The following DLC1 variants were observed in gnomAD, a reference collection of about 807,000 sequenced individuals.
DLC1 encodes the protein rho GTPase-activating protein 7.
In DLC1, 54 loss-of-function variants were observed where a neutral mutation model predicts 140.3. The observed-to-expected ratio is 0.38, with a 90% CI of 0.31 to 0.48. DLC1 has a LOEUF of 0.48. Ranked by LOEUF, DLC1 falls within the 20% of genes least tolerant of loss-of-function variation. The pLI is 0.96. For synonymous variants in DLC1, 986 were observed against 728.1 expected, an observed-to-expected ratio of 1.35 and a Z score of -5.70; for missense variants, 2,536 against 1,907.0, an observed-to-expected ratio of 1.33 and a Z score of -6.14.
At chr8:13,158,068 T>C (rs1489388586) in intron 5 of DLC1, among the ~76,000 whole-genome samples, 4 of 152,216 alleles carry the variant, frequency 2.6e-5, no homozygotes, top group African/African-American at 9.6e-5. Flanking sequence ...CCTTCAGATA[T>C]TTCAATGAGA....
chr8:13,170,729 CAAA>C (rs1179460110), intron 5 of DLC1, among the ~76,000 whole-genome samples: 7 of 63,130 alleles, frequency 1.1e-4, no homozygotes, highest in Admixed American at 3.7e-4. Flanking sequence ...GACTCCATCT[CAAA>C]AAAAAAAAAA....
intron 5 of DLC1, among the ~76,000 whole-genome samples, chr8:13,140,194 T>C (rs1310452409): frequency 6.6e-6 from 1 of 152,160 alleles, no homozygotes; most frequent in Admixed American, 6.6e-5. Context: ...AATATTTTCT[T>C]TCTTTCTTTT....
intron 2 of DLC1, among the ~76,000 whole-genome samples, chr8:13,410,615 T>C (rs534131243): frequency 1.3e-5 from 2 of 150,108 alleles, no homozygotes; most frequent in Non-Finnish European, 3.0e-5. Flanking sequence ...ATAAAATACC[T>C]AGAAGTAACT....
chr8:13,260,161 G>C (rs1830417234), intron 5 of DLC1, among the ~76,000 whole-genome samples: 1 of 152,164 alleles, frequency 6.6e-6, no homozygotes, highest in Non-Finnish European at 1.5e-5. Flanking sequence ...AGCAGGTAGA[G>C]GTGCTTTGGT....
At chr8:13,333,718 A>C (rs561804322) in intron 4 of DLC1, among the ~76,000 whole-genome samples, 13 of 152,198 alleles carry the variant, frequency 8.5e-5, no homozygotes, top group Non-Finnish European at 1.6e-4. Flanking sequence ...ATAGTAACTC[A>C]AACTAAATGG....
intron 1 of DLC1, among the ~76,000 whole-genome samples, chr8:13,541,904 C>T (rs926899399): frequency 1.3e-5 from 2 of 152,020 alleles, no homozygotes; most frequent in Non-Finnish European, 2.9e-5. Flanking sequence ...AATATTTTAC[C>T]CAATTTTCTA....
intron 2 of DLC1, among the ~76,000 whole-genome samples, chr8:13,453,556 A>ATATATACATATATATATATATATTTT (rs1355906460): frequency 3.7e-5 from 1 of 26,926 alleles, no homozygotes; most frequent in African/African-American, 1.7e-4. Flanking sequence ...ATATATATAT[A>ATATATACATATATATATATATATTTT]TTTTTTTTTT....
At chr8:13,156,084 A>G (rs1824231754) in intron 5 of DLC1, among the ~76,000 whole-genome samples, 2 of 152,236 alleles carry the variant, frequency 1.3e-5, no homozygotes, top group Admixed American at 1.3e-4. Flanking sequence ...TCAGCAAGGT[A>G]CATCAACCCA....
At chr8:13,471,463 GGAAGGAAT>G (rs1800202647) in intron 2 of DLC1, among the ~76,000 whole-genome samples, 1 of 144,502 alleles carries the variant, frequency 6.9e-6, no homozygotes. Flanking sequence ...GAGTGAGGAA[GGAAGGAAT>G]GAAGGAAGGA....
intron 2 of DLC1, among the ~76,000 whole-genome samples, chr8:13,469,363 G>A (rs1457042110): frequency 6.6e-6 from 1 of 152,108 alleles, no homozygotes; most frequent in Admixed American, 6.5e-5. Flanking sequence ...CTGTACCATG[G>A]GCAGAATAAT....
rs1374948408 is a variant in DLC1 at position 13,400,471 on chromosome 8, C to G, written c.1173+999G>C. 2.6e-5 allele frequency among the ~76,000 whole-genome samples: 4 copies of G among 152,250 alleles called. No homozygotes were observed. In the East Asian group the frequency reaches 7.7e-4, roughly 29 times the overall value. ...ACACTACAAAGTTCATAATGTTATT[C>G]CACTGTATTATTTTGCCTATTCTGA... On this transcript the variant is annotated intron_variant, in intron 3 of 17. Coordinates refer to ENST00000276297, the MANE Select transcript of DLC1 (RefSeq NM_182643.3).
At chr8:13,187,151 A>AC (rs1327756174) in intron 5 of DLC1, among the ~76,000 whole-genome samples, 1 of 95,004 alleles carries the variant, frequency 1.1e-5, no homozygotes, top group Non-Finnish European at 2.4e-5. Flanking sequence ...TCCCTGCTTT[A>AC]CTTTTTTTTC....
chr8:13,139,789 C>T (rs1822840306), intron 5 of DLC1, among the ~76,000 whole-genome samples: 2 of 152,216 alleles, frequency 1.3e-5, no homozygotes, highest in African/African-American at 2.4e-5. Context: ...CCCCTGACTA[C>T]ACAAAAATCA....
At chr8:13,326,881 T>G (rs1833371578) in intron 4 of DLC1, among the ~76,000 whole-genome samples, 1 of 152,198 alleles carries the variant, frequency 6.6e-6, no homozygotes, top group Non-Finnish European at 1.5e-5. Flanking sequence ...TGAACTGTTG[T>G]GCATATGGCT....
chr8:13,408,912 T>C (rs1259777961), intron 2 of DLC1, among the ~76,000 whole-genome samples: 2 of 152,208 alleles, frequency 1.3e-5, no homozygotes, highest in African/African-American at 4.8e-5. Context: ...TGAAATTCCA[T>C]AAATTGTTTT....
chr8:13,473,289 G>GTTGTGGGAAGGACTCCCACATGTT (rs1800293683), intron 2 of DLC1, among the ~76,000 whole-genome samples: 2 of 152,090 alleles, frequency 1.3e-5, no homozygotes, highest in African/African-American at 2.4e-5. Flanking sequence ...GGAAGGACCT[G>GTTGTGGGAAGGACTCCCACATGTT]GTGGGAGGTA....
In DLC1 at chr8:13,499,040, A is replaced by G; in HGVS notation, c.1023+9T>C. ...TTCAAAAGCCAGAGAATCTGTGCATATGTCTTACCTTTCTCTTACGAAGTC... is the reference window on the plus strand; with the variant it reads ...TTCAAAAGCCAGAGAATCTGTGCATGTGTCTTACCTTTCTCTTACGAAGTC... On this transcript the variant is annotated intron_variant, in intron 2 of 17. Transcript: ENST00000276297. 6.3e-7 allele frequency: 1 copy of G among 1,595,380 alleles called. No individual in the cohort carries two copies. Among genetic ancestry groups the G allele is most frequent in the Non-Finnish European group, 8.5e-7 (1 of 1,172,736 alleles).
At chr8:13,445,396 G>GA (rs1281494511) in intron 2 of DLC1, among the ~76,000 whole-genome samples, 1 of 152,152 alleles carries the variant, frequency 6.6e-6, no homozygotes, top group African/African-American at 2.4e-5. Context: ...ACTTCAGAGA[G>GA]AAAAGCACAG....
At chr8:13,187,732 C>T (rs558490595) in intron 5 of DLC1, among the ~76,000 whole-genome samples, 27 of 152,256 alleles carry the variant, frequency 1.8e-4, no homozygotes, top group Admixed American at 4.6e-4. Context: ...TCCGGGAATA[C>T]TCGAGGCGTT....
Sources: allele counts gnomAD v4.1 joint callset (sites outside exome capture counted in the v4.1 genomes callset), GRCh38; gene constraint gnomAD v4.1.1; transcripts MANE v1.5; gene names NCBI Gene and HGNC (gene_info 2026-07-23, HGNC 2026-07-21).